Variants in SERPING1 observed in about 807,000 individuals in gnomAD.
The protein encoded by SERPING1 is serpin family G member 1.
In SERPING1, 5 loss-of-function variants were observed where a neutral mutation model predicts 34.1. That is an observed-to-expected ratio of 0.15 (90% confidence interval 0.08 to 0.31). The LOEUF (loss-of-function observed/expected upper bound fraction) is 0.31. Among genes scored for constraint, SERPING1 ranks in the 10% least tolerant of loss-of-function variants. SERPING1 has a pLI of 1.00. For missense variants in SERPING1, 505 were observed against 609.5 expected (o/e 0.83, Z 1.81); for synonymous variants, 225 against 242.4 (o/e 0.93, Z 0.67).
chr11:57,607,794 G>C (rs556984012), intron 6 of SERPING1, among the ~76,000 whole-genome samples: 4 of 152,232 alleles, frequency 2.6e-5, no homozygotes, highest in Non-Finnish European at 5.9e-5. Context: ...CAAGTAGCTG[G>C]GACTACAGGA....
intron 4 of SERPING1, among the ~76,000 whole-genome samples, chr11:57,603,137 G>GCAGGAGAAT (rs1945369573): frequency 6.6e-6 from 1 of 151,798 alleles, no homozygotes; most frequent in African/African-American, 2.4e-5. Context: ...GGAGGCTGAG[G>GCAGGAGAAT]CAGGAGAATC....
intron 4 of SERPING1, among the ~76,000 whole-genome samples, chr11:57,602,485 G>T (rs1308049048): frequency 6.6e-6 from 1 of 152,146 alleles, no homozygotes; most frequent in Non-Finnish European, 1.5e-5. Flanking sequence ...GGCTGGGCGT[G>T]GTGGCTCACA....
At chr11:57,612,531 A>G (rs1423234309) in intron 7 of SERPING1, among the ~76,000 whole-genome samples, 1 of 150,042 alleles carries the variant, frequency 6.7e-6, no homozygotes, top group Non-Finnish European at 1.5e-5. Context: ...CTCTCGCCTC[A>G]GCCTCCCGAG....
intron 7 of SERPING1, among the ~76,000 whole-genome samples, chr11:57,612,288 C>T (rs1945485861): frequency 6.6e-6 from 1 of 152,148 alleles, no homozygotes; most frequent in South Asian, 2.1e-4. Flanking sequence ...ATGGATGCTC[C>T]TTCCCCAGAC....
Position 57,614,819 on chromosome 11 carries a change from A to T in SERPING1, c.*238A>T. On this transcript the variant is annotated 3_prime_UTR_variant, in exon 8 of 8. Coordinates refer to ENST00000278407, the MANE Select transcript of SERPING1 (RefSeq NM_000062.3). ...GCTTTCTCTAGTTCAAGTTCACCAGACTCTATAAATAAAACCTGACAGACC... is the reference window on the plus strand; with the variant it reads ...GCTTTCTCTAGTTCAAGTTCACCAGTCTCTATAAATAAAACCTGACAGACC... 1 of 529,444 alleles carries T rather than the reference A, an allele frequency of 1.9e-6. No individual in the cohort carries two copies. Among genetic ancestry groups the T allele is most frequent in the Non-Finnish European group, 3.3e-6 (1 of 298,806 alleles). 32.8% of individuals were successfully genotyped at this position (529,444 alleles called of 1,614,324 possible).
intron 2 of SERPING1, among the ~76,000 whole-genome samples, chr11:57,599,269 C>T (rs1472580196): frequency 6.6e-6 from 1 of 152,116 alleles, no homozygotes; most frequent in South Asian, 2.1e-4. Context: ...CTGTGACAAC[C>T]AAAAATGTCT....
chr11:57,613,186 C>G (rs1945500452), intron 7 of SERPING1, among the ~76,000 whole-genome samples: 1 of 152,180 alleles, frequency 6.6e-6, no homozygotes, highest in Non-Finnish European at 1.5e-5. Flanking sequence ...TTTCATTCAA[C>G]ACTTCTGGCC....
intron 4 of SERPING1, among the ~76,000 whole-genome samples, chr11:57,605,294 G>A (rs1457695237): frequency 6.6e-6 from 1 of 151,796 alleles, no homozygotes; most frequent in Non-Finnish European, 1.5e-5. Context: ...CAAAGCCTGG[G>A]AAAATATCTT....
chr11:57,611,824 C>T lies in SERPING1; in HGVS notation c.1137C>T (p.Phe379=). 1 of 1,614,198 alleles carries T rather than the reference C, an allele frequency of 6.2e-7. No individual in the cohort carries two copies. Among genetic ancestry groups the T allele is most frequent in the South Asian group, 1.1e-5 (1 of 91,074 alleles). Residue 379 remains phenylalanine (F), a synonymous_variant, in exon 7 of 8, where the codon TTC becomes TTT. Coordinates refer to ENST00000278407, the MANE Select transcript of SERPING1 (RefSeq NM_000062.3). ...DMEQALSPSV[F]KAIMEKLEMS... ...AACAGGCTCTCAGCCCTTCTGTTTTCAAGGCCATCATGGAGAAACTGGAGA... is the reference window on the plus strand; with the variant it reads ...AACAGGCTCTCAGCCCTTCTGTTTTTAAGGCCATCATGGAGAAACTGGAGA...
In SERPING1 at chr11:57,611,879, C is replaced by T. The variant is rs2135324760; in HGVS notation, c.1192C>T (p.Leu398=). The T allele has an allele frequency of 1.9e-6, 3 of 1,614,216 alleles. No homozygotes were observed. Among genetic ancestry groups the T allele is most frequent in the Non-Finnish European group, 2.5e-6 (3 of 1,180,038 alleles). ...MSKFQPTLLT[L]PRIKVTTSQD... ...CAAGTTCCAGCCCACTCTCCTAACA[C>T]TACCCCGCATCAAAGTGACGACCAG... Residue 398 remains leucine (L), a synonymous_variant, in exon 7 of 8, where the codon CTA becomes TTA. Transcript: ENST00000278407.
chr11:57,606,468 A>C lies in SERPING1; in HGVS notation c.950A>C (p.Asn317Thr), dbSNP rs745549510. 33 of 1,613,888 alleles carry C rather than the reference A, an allele frequency of 2.0e-5. No individual in the cohort carries two copies. The highest frequency in any genetic ancestry group is 2.6e-5 in the Non-Finnish European group (31 of 1,179,986). The change falls in exon 6 of 8, where the codon AAC (asparagine) becomes ACC (threonine). Residue 317 changes from asparagine (N) to threonine (T), a missense_variant. By Grantham distance (65) the Asn-to-Thr change is moderately conservative. Coordinates refer to ENST00000278407, the MANE Select transcript of SERPING1 (RefSeq NM_000062.3). ...AGAATGGAACCCTTTCACTTCAAAA[A>C]CTCAGTTATAAAAGTGCCCATGATG... ...KTRMEPFHFK[N>T]SVIKVPMMNS...
intron 7 of SERPING1, 55 bp from the exon 8 acceptor site, chr11:57,614,273 C>T: frequency 6.2e-7 from 1 of 1,605,332 alleles, no homozygotes; most frequent in Non-Finnish European, 8.5e-7. Context: ...AGGTCTCCAT[C>T]AGCTGAGGGT....
intron 2 of SERPING1, 165 bp from the exon 3 acceptor site, chr11:57,599,714 A>T: frequency 2.2e-6 from 2 of 898,132 alleles, no homozygotes; most frequent in Non-Finnish European, 3.5e-6. Context: ...CTGAGGAATT[A>T]GTGGTGGTGG....
At chr11:57,606,966 G>A (rs1945417068) in intron 6 of SERPING1, among the ~76,000 whole-genome samples, 1 of 152,238 alleles carries the variant, frequency 6.6e-6, no homozygotes, top group Non-Finnish European at 1.5e-5. Flanking sequence ...TATGTGGTAA[G>A]TGCATGTGTG....
chr11:57,612,891 C>T (rs932970353), intron 7 of SERPING1, among the ~76,000 whole-genome samples: 1 of 151,960 alleles, frequency 6.6e-6, no homozygotes. Flanking sequence ...ATTACAGGCA[C>T]CTACCACCAC....
chr11:57,603,058 C>T (rs2135312779), intron 4 of SERPING1, among the ~76,000 whole-genome samples: 1 of 151,812 alleles, frequency 6.6e-6, no homozygotes, highest in African/African-American at 2.4e-5. Flanking sequence ...CATGGCAAAA[C>T]CCTGTCTCTA....
At chr11:57,598,446 T>A (rs747100943) in intron 2 of SERPING1, 125 bp downstream of exon 2, 20 of 915,692 alleles carry the variant, frequency 2.2e-5, no homozygotes, top group Non-Finnish European at 2.7e-5. Flanking sequence ...CCTCTTGGGA[T>A]CATTGAGTGT....
At chr11:57,605,887 C>T (rs1590826321) in intron 4 of SERPING1, 123 bp from the exon 5 acceptor site, 10 of 967,048 alleles carry the variant, frequency 1.0e-5, no homozygotes, top group Admixed American at 1.7e-5. Context: ...GACCGCGCTC[C>T]ACCATGCCGT....
At position 57,610,109 on chromosome 11, in the gene SERPING1, T is replaced by C. The variant is rs80129496; in HGVS notation, c.1030-1608T>C. 3.3e-4 allele frequency among the ~76,000 whole-genome samples: 50 copies of C among 152,374 alleles called. 2 individuals carry two copies. In the East Asian group the frequency reaches 9.6e-3, roughly 29 times the overall value. On this transcript the variant is annotated intron_variant, in intron 6 of 7. Coordinates refer to ENST00000278407, the MANE Select transcript of SERPING1 (RefSeq NM_000062.3). ...ATTTAATGAAATTATCCTACAACTT[T>C]GCTTAAAAGCATAAAACTAGCATGT...
Sources: gnomAD v4.1 joint callset for allele counts (sites outside exome capture counted in the v4.1 genomes callset) on GRCh38, gnomAD v4.1.1 for gene constraint, MANE v1.5 for transcripts, NCBI Gene and HGNC (gene_info 2026-07-23, HGNC 2026-07-21) for gene names.